The following MYH3 variants were observed in gnomAD, a reference collection of about 807,000 sequenced individuals.
The protein encoded by MYH3 is myosin heavy chain 3, also known as myosin-3.
Under a neutral mutation model 238.0 loss-of-function variants are expected in MYH3, and 130 were observed. The observed-to-expected ratio is 0.55, with a 90% CI of 0.47 to 0.63. The LOEUF (loss-of-function observed/expected upper bound fraction) is 0.63, where lower values mean the gene tolerates loss of function less well. Among genes scored for constraint, MYH3 ranks in the 30% least tolerant of loss-of-function variants. MYH3 has a pLI of 0.00. For missense variants in MYH3, 1,853 were observed against 2,374.9 expected, an observed-to-expected ratio of 0.78 and a Z score of 4.57; for synonymous variants, 880 against 924.1, an observed-to-expected ratio of 0.95 and a Z score of 0.86.
rs1445885924 is a variant in MYH3 at position 10,644,560 on chromosome 17, C to G, written c.1260+24G>C. The G allele has an allele frequency of 1.9e-6, 3 of 1,613,406 alleles. No homozygotes were observed. The Admixed American group carries it at 5.0e-5, about 27-fold the overall frequency. ...GAAGTGGCCAGCAGGGTCCTGCACC[C>G]TTTCCCGGCCTTGAAGCTGTTACCT... On this transcript the variant is annotated intron_variant, in intron 13 of 40. Transcript: ENST00000583535.
chr17:10,642,099 A>T lies in MYH3; in HGVS notation c.1959+141T>A, dbSNP rs1368035048. The T allele has an allele frequency of 1.4e-6, 1 of 740,314 alleles. No individual in the cohort carries two copies. Among genetic ancestry groups the T allele is most frequent in the East Asian group, 2.7e-5 (1 of 36,934 alleles). The allele number at this position is 740,314 out of a possible 1,614,324, so 45.9% of individuals were successfully genotyped here. A position where few individuals can be genotyped will look rare whatever the true frequency, so the allele number is the denominator to read the frequency against. On this transcript the variant is annotated intron_variant, in intron 17 of 40. Coordinates refer to ENST00000583535, the MANE Select transcript of MYH3 (RefSeq NM_002470.4). The surrounding 1 kb of genome is among the most constrained non-coding windows in gnomAD (Gnocchi z 5.4). Reference sequence around the variant, plus strand: ...TAGACCGTATTTATTATATTTTATCATCTGTCACTTCACCTCAGTGACAGT... The same window carrying T: ...TAGACCGTATTTATTATATTTTATCTTCTGTCACTTCACCTCAGTGACAGT...
At chr17:10,670,952 C>T in the MYH3 span, among the ~76,000 whole-genome samples, 8 of 151,946 alleles carry the variant, frequency 5.3e-5, no homozygotes, top group Non-Finnish European at 1.2e-4. This position sits in a 1 kb window ranked among gnomAD's most constrained non-coding sequence, Gnocchi z 7.0. Context: ...TGCAGTGGCG[C>T]GATCTTGGCT....
the MYH3 span, among the ~76,000 whole-genome samples, chr17:10,671,688 T>G: frequency 6.7e-6 from 1 of 149,060 alleles, no homozygotes; most frequent in Non-Finnish European, 1.5e-5. Context: ...CATGCCATTC[T>G]CCTGCCTCAG....
intron 4 of MYH3, 37 bp from the exon 5 acceptor site, chr17:10,651,705 G>A (rs760970712): frequency 6.3e-6 from 10 of 1,583,626 alleles, no homozygotes; most frequent in South Asian, 1.1e-5. Context: ...GTATATGTAT[G>A]TATGTGCATA....
At chr17:10,639,937 TAAA>T (rs2074253058) in intron 22 of MYH3, 56 bp downstream of exon 22, 2 of 1,591,578 alleles carry the variant, frequency 1.3e-6, no homozygotes, top group African/African-American at 1.4e-5. Context: ...TCAATTTTTC[TAAA>T]TAAATAATCA....
At chr17:10,636,684 C>T (rs753977219) in intron 28 of MYH3, among the ~76,000 whole-genome samples, 5 of 152,058 alleles carry the variant, frequency 3.3e-5, no homozygotes, top group South Asian at 4.2e-4. Flanking sequence ...GGGAGGCCGA[C>T]GCAGGCGGAT....
chr17:10,671,152 T>TA, the MYH3 span, among the ~76,000 whole-genome samples: 3 of 152,110 alleles, frequency 2.0e-5, no homozygotes, highest in East Asian at 5.8e-4. Flanking sequence ...CCTTGGCTCC[T>TA]AAAGTGCTGG....
intron 40 of MYH3, 74 bp from the exon 41 acceptor site, chr17:10,628,753 G>T: frequency 6.5e-7 from 1 of 1,536,168 alleles, no homozygotes; most frequent in Non-Finnish European, 9.0e-7. Context: ...TCTGCCGGCT[G>T]GCATCAGAGT....
At chr17:10,663,647 G>A in the MYH3 span, among the ~76,000 whole-genome samples, 1 of 152,038 alleles carries the variant, frequency 6.6e-6, no homozygotes, top group African/African-American at 2.4e-5. Flanking sequence ...TGGGTGGCTG[G>A]GGGGACACAG....
Position 10,652,552 on chromosome 17 carries a change from G to T in MYH3, c.216C>A (p.Val72=). ...VETEDNRTLV[V]KPEDVYAMNP... is the part of the protein sequence containing the mutation. ...TCATGGCGTACACATCCTCTGGTTT[G>T]ACCACCAGGGTCTAAAAAGGAAGAG... Residue 72 remains valine, a synonymous_variant, in exon 4 of 41, where the codon GTC becomes GTA. Transcript: ENST00000583535. 1 of 1,528,786 alleles carries T rather than the reference G, an allele frequency of 6.5e-7. No individual in the cohort carries two copies. Among genetic ancestry groups the T allele is most frequent in the South Asian group, 1.1e-5 (1 of 89,758 alleles). The allele number at this position is 1,528,786 out of a possible 1,614,324, so 94.7% of individuals were successfully genotyped here. A position where few individuals can be genotyped will look rare whatever the true frequency, so the allele number is the denominator to read the frequency against.
In MYH3 at chr17:10,642,134, AAGAC is replaced by A; in HGVS notation, c.1959+102_1959+105del. 2.8e-6 allele frequency: 3 copies of A among 1,057,418 alleles called. No homozygotes were observed. In the South Asian group the frequency reaches 4.1e-5, roughly 14 times the overall value. 65.5% of individuals were successfully genotyped at this position (1,057,418 alleles called of 1,614,324 possible). A position where few individuals can be genotyped will look rare whatever the true frequency, so the allele number is the denominator to read the frequency against. On this transcript the variant is annotated intron_variant, in intron 17 of 40. Transcript: ENST00000583535. This position sits in a 1 kb window ranked among gnomAD's most constrained non-coding sequence, Gnocchi z 5.4. ...TCACCTCAGTGACAGTAATCAGATTAAGACAACACTACTACTCTCAAATAAATCA... is the reference window on the plus strand; with the variant it reads ...TCACCTCAGTGACAGTAATCAGATTAAACACTACTACTCTCAAATAAATCA...
chr17:10,637,930 A>G lies in MYH3; in HGVS notation c.3735T>C (p.Asn1245=). The G allele has an allele frequency of 1.2e-6, 2 of 1,614,000 alleles. No individual in the cohort carries two copies. The highest frequency in any genetic ancestry group is 1.7e-6 in the Non-Finnish European group (2 of 1,179,994). ...SMESVSKSKA[N]LEKICRTLED... is the part of the protein sequence containing the mutation. ...CCAGGGTTCGGCAGATTTTTTCCAG[A>G]TTTGCCTGAAGGATTCAGAAAGGGG... The change falls in exon 28 of 41, where the codon AAT becomes AAC. Residue 1245 remains asparagine (N), a synonymous_variant. Transcript: ENST00000583535.
chr17:10,641,069 C>T lies in MYH3; in HGVS notation c.2165+16G>A. 6.5e-7 allele frequency: 1 copy of T among 1,539,888 alleles called. No homozygotes were observed. The highest frequency in any genetic ancestry group is 9.0e-7 in the Non-Finnish European group (1 of 1,113,500). The stretch of plus-strand genomic sequence containing the variant: ...ACATCTCATCCCCAAGCATATAGAA[C>T]ATGTTTATTACACACCTTTGTTTAA... On this transcript the variant is annotated intron_variant, in intron 19 of 40. Transcript: ENST00000583535.
At chr17:10,630,528 G>A in intron 36 of MYH3, 70 bp from the exon 37 acceptor site, 1 of 1,598,270 alleles carries the variant, frequency 6.3e-7, no homozygotes, top group Non-Finnish European at 8.6e-7. Flanking sequence ...AAAACCTGGG[G>A]ACCTCGGAGG....
At position 10,638,963 on chromosome 17, in the gene MYH3, C is replaced by A. The variant is rs1164016882; in HGVS notation, c.3249G>T (p.Lys1083Asn). Reference sequence around the variant, plus strand: ...GAAGTTGACAATATTCAAAATCTTTCCTGTGAAGAGAAATGTAGAATGCAT... The same window carrying A: ...GAAGTTGACAATATTCAAAATCTTTACTGTGAAGAGAAATGTAGAATGCAT... Reference protein sequence around the residue: ...DKQQLDERLKKKDFEYCQLQS... With the variant: ...DKQQLDERLKNKDFEYCQLQS... Residue 1083 changes from lysine (K) to asparagine (N), a missense_variant and splice_region_variant, in exon 26 of 41, where the codon AAG (lysine) becomes AAT (asparagine). Lys to Asn is a moderately conservative substitution (Grantham distance 94). Around this residue, in one of 3 missense-constraint regions of MYH3, gnomAD observed 1,044 missense variants for 1,192.6 expected, o/e 0.88. Transcript: ENST00000583535. The A allele has an allele frequency of 1.1e-5, 18 of 1,614,028 alleles. No individual in the cohort carries two copies. The highest frequency in any genetic ancestry group is 1.4e-5 in the Non-Finnish European group (17 of 1,180,018).
At chr17:10,667,589 G>A in the MYH3 span, among the ~76,000 whole-genome samples, 1 of 151,954 alleles carries the variant, frequency 6.6e-6, no homozygotes, top group Non-Finnish European at 1.5e-5. Context: ...GCTGAGGCAG[G>A]GGAATCGCTT....
intron 33 of MYH3, 130 bp from the exon 34 acceptor site, chr17:10,632,914 T>G (rs2074179308): frequency 1.8e-6 from 2 of 1,119,210 alleles, no homozygotes; most frequent in Non-Finnish European, 2.7e-6. Flanking sequence ...ATTCACTTTT[T>G]AAATGTCCCC....
chr17:10,628,897 C>A (rs1350950684), intron 40 of MYH3, among the ~76,000 whole-genome samples: 1 of 152,182 alleles, frequency 6.6e-6, no homozygotes, highest in Non-Finnish European at 1.5e-5. Flanking sequence ...GGAGACCCAG[C>A]GACCTACTGT....
chr17:10,651,924 G>A (rs920605384), intron 4 of MYH3: 3 of 453,942 alleles, frequency 6.6e-6, no homozygotes, highest in East Asian at 5.0e-5. Flanking sequence ...TTGTATTTTA[G>A]TAGAGATGGG....
Sources: gnomAD v4.1 joint callset for allele counts (sites outside exome capture counted in the v4.1 genomes callset) on GRCh38, gnomAD v4.1.1 for gene constraint, gnomAD v4.1.1 regional missense constraint, Gnocchi (gnomAD v3.1) non-coding constraint, MANE v1.5 for transcripts, NCBI Gene and HGNC (gene_info 2026-07-23, HGNC 2026-07-21) for gene names.